The following SHANK2 variants were observed in gnomAD, a reference collection of about 807,000 sequenced individuals.
The protein encoded by SHANK2 is SH3 and multiple ankyrin repeat domains protein 2.
In SHANK2, 43 loss-of-function variants were observed where a neutral mutation model predicts 133.7. That is an observed-to-expected ratio of 0.32 (90% CI 0.25 to 0.41). The LOEUF is 0.41. Among genes scored for constraint, SHANK2 ranks in the 10% least tolerant of loss-of-function variants. SHANK2 has a pLI of 1.00. For missense variants in SHANK2, 1,994 were observed against 2,235.8 expected (o/e 0.89, Z 2.18); for synonymous variants, 1,017 against 952.8 (o/e 1.07, Z -1.24).
intron 11 of SHANK2, among the ~76,000 whole-genome samples, chr11:70,884,729 T>TG (rs1949710986): frequency 3.9e-5 from 6 of 152,336 alleles, no homozygotes; most frequent in African/African-American, 9.6e-5. Flanking sequence ...TTCTTTTCTT[T>TG]CTTTTTTTGA....
intron 5 of SHANK2, 107 bp from the exon 6 acceptor site, chr11:71,110,156 T>A: frequency 1.2e-6 from 1 of 838,140 alleles, no homozygotes. Context: ...TAGCCAGACA[T>A]GGCTGCACAC....
chr11:70,651,007 C>T (rs2061333160), intron 17 of SHANK2, among the ~76,000 whole-genome samples: 1 of 152,240 alleles, frequency 6.6e-6, no homozygotes. Context: ...GCTTCACACA[C>T]ACTTTTATTT....
At chr11:70,875,318 A>G (rs1949540947) in intron 11 of SHANK2, among the ~76,000 whole-genome samples, 1 of 152,048 alleles carries the variant, frequency 6.6e-6, no homozygotes, top group South Asian at 2.1e-4. Context: ...ATGATGATAA[A>G]GCATTAATAT....
chr11:70,954,474 T>C (rs1283887529), intron 10 of SHANK2, among the ~76,000 whole-genome samples: 1 of 152,186 alleles, frequency 6.6e-6, no homozygotes, highest in East Asian at 1.9e-4. Flanking sequence ...TCTGGCTAAA[T>C]TGCTAAATGT....
intron 13 of SHANK2, among the ~76,000 whole-genome samples, chr11:70,803,107 G>C (rs1413546324): frequency 6.6e-6 from 1 of 152,100 alleles, no homozygotes; most frequent in Admixed American, 6.5e-5. Context: ...CACAGGGATA[G>C]CTGCTGTTTG....
Position 70,473,292 on chromosome 11 carries a change from G to A in SHANK2, c.5127C>T (p.Ser1709=). The part of the protein sequence containing the change: ...SRTSGTRRAP[S]PVVSPTEMNK... ...TCATCTCTGTTGGCGAGACCACAGG[G>A]CTTGGGGCACGTCTTGTTCCTGAGG... The change falls in exon 26 of 26, where the codon AGC becomes AGT. Residue 1709 remains serine (S), a synonymous_variant. Coordinates refer to ENST00000601538, the MANE Select transcript of SHANK2 (RefSeq NM_012309.5). This position sits in a 1 kb window ranked among gnomAD's most constrained non-coding sequence, Gnocchi z 5.9. 1 of 1,614,018 alleles carries A rather than the reference G, an allele frequency of 6.2e-7. No homozygotes were observed. The highest frequency in any genetic ancestry group is 2.2e-5 in the East Asian group (1 of 44,872).
intron 17 of SHANK2, among the ~76,000 whole-genome samples, chr11:70,640,456 G>C (rs903358773): frequency 2.6e-5 from 4 of 152,234 alleles, no homozygotes; most frequent in Non-Finnish European, 5.9e-5. Context: ...GGCCCTGCCA[G>C]GCCCTGGATT....
intron 17 of SHANK2, among the ~76,000 whole-genome samples, chr11:70,624,247 T>C (rs2060873148): frequency 6.6e-6 from 1 of 152,076 alleles, no homozygotes; most frequent in South Asian, 2.1e-4. Flanking sequence ...GGCTGTCACC[T>C]GCATGGTCTT....
At chr11:71,241,745 A>G (rs781806407) in intron 1 of SHANK2, among the ~76,000 whole-genome samples, 8 of 152,002 alleles carry the variant, frequency 5.3e-5, no homozygotes, top group Non-Finnish European at 7.4e-5. Flanking sequence ...TTTCTCCCAC[A>G]CTCAGGGTCA....
intron 10 of SHANK2, chr11:70,933,387 T>A (rs1316374439): frequency 6.7e-6 from 3 of 449,896 alleles, no homozygotes; most frequent in Non-Finnish European, 1.3e-5. Flanking sequence ...AGAGTTGGTG[T>A]TTAATGGGGA....
chr11:70,533,306 T>C (rs2059502020), intron 17 of SHANK2, among the ~76,000 whole-genome samples: 2 of 152,190 alleles, frequency 1.3e-5, no homozygotes, highest in African/African-American at 4.8e-5. Context: ...TCTAGGCTGG[T>C]CTCAAACTCC....
At chr11:70,636,387 GTA>G (rs782464542) in intron 17 of SHANK2, among the ~76,000 whole-genome samples, 17 of 123,868 alleles carry the variant, frequency 1.4e-4, no homozygotes, top group Admixed American at 3.9e-4. Context: ...GAGTCTGTGT[GTA>G]TGAGTGTGTA....
intron 2 of SHANK2, among the ~76,000 whole-genome samples, chr11:71,160,873 C>T (rs1311992750): frequency 2.0e-5 from 3 of 152,196 alleles, no homozygotes; most frequent in Non-Finnish European, 4.4e-5. Context: ...AGCCTTCATC[C>T]CTGGGCTGCT....
At chr11:71,220,667 G>T (rs572808321) in intron 2 of SHANK2, among the ~76,000 whole-genome samples, 1 of 152,208 alleles carries the variant, frequency 6.6e-6, no homozygotes, top group East Asian at 1.9e-4. Flanking sequence ...TTAAGTGAAA[G>T]AAGTCAGGCA....
intron 11 of SHANK2, among the ~76,000 whole-genome samples, chr11:70,842,454 C>T (rs191609515): frequency 6.6e-6 from 1 of 152,222 alleles, no homozygotes; most frequent in Admixed American, 6.5e-5. Context: ...GGCCAGGCTG[C>T]ATAACCTGTC....
rs782609348 is a variant in SHANK2, at chr11:70,798,534, G to A, written c.1686C>T (p.Gly562=). The change falls in exon 14 of 26, where the codon GGC becomes GGT. Residue 562 remains glycine (G), a synonymous_variant. Coordinates refer to ENST00000601538, the MANE Select transcript of SHANK2 (RefSeq NM_012309.5). ...RVKVLSIGEG[G]FWEGSARGHI... Reference sequence around the variant, plus strand: ...GGCCGCGGGCGCTGCCTTCCCAGAAGCCCCCTTCACCGATGCTCAGAACTA... The same window carrying A: ...GGCCGCGGGCGCTGCCTTCCCAGAAACCCCCTTCACCGATGCTCAGAACTA... 14 of 718,488 alleles carry A rather than the reference G, an allele frequency of 1.9e-5. 1 individual carries two copies. The South Asian group carries it at 2.1e-4, about 11-fold the overall frequency. 44.5% of individuals were successfully genotyped at this position (718,488 alleles called of 1,614,324 possible). A position where few individuals can be genotyped will look rare whatever the true frequency, so the allele number is the denominator to read the frequency against.
chr11:70,875,107 T>C (rs782476893), intron 11 of SHANK2, among the ~76,000 whole-genome samples: 1 of 152,090 alleles, frequency 6.6e-6, no homozygotes, highest in East Asian at 1.9e-4. Flanking sequence ...AGACCAACGA[T>C]TGGGGGAAGG....
intron 21 of SHANK2, among the ~76,000 whole-genome samples, chr11:70,494,356 G>A (rs1360827102): frequency 1.3e-5 from 2 of 152,074 alleles, no homozygotes; most frequent in Non-Finnish European, 2.9e-5. Flanking sequence ...TGTCACCTGG[G>A]CTGCTTGGCT....
At chr11:70,767,695 G>T (rs187773563) in intron 14 of SHANK2, among the ~76,000 whole-genome samples, 17 of 150,958 alleles carry the variant, frequency 1.1e-4, no homozygotes, top group Admixed American at 2.0e-4. Context: ...TGCCAGGGGT[G>T]GGGGGGGCAT....
Sources: allele counts gnomAD v4.1 joint callset (sites outside exome capture counted in the v4.1 genomes callset), GRCh38; gene constraint gnomAD v4.1.1; non-coding constraint Gnocchi (gnomAD v3.1); transcripts MANE v1.5; gene names NCBI Gene and HGNC (gene_info 2026-07-23, HGNC 2026-07-21).